The following FAT3 variants were observed in gnomAD, a reference collection of about 807,000 sequenced individuals.
FAT3 encodes the protein FAT atypical cadherin 3, also known as protocadherin Fat 3.
FAT3 carries 95 observed loss-of-function variants against 310.2 expected under a neutral mutation model. That is an observed-to-expected ratio of 0.31 (90% CI 0.26 to 0.36). The LOEUF is 0.36. FAT3 is among the 10% of genes least tolerant of loss of function. FAT3 has a pLI of 1.00. For missense variants in FAT3, 5,408 were observed against 5,715.6 expected, an observed-to-expected ratio of 0.95 and a Z score of 1.74; for synonymous variants, 2,314 against 2,192.9, an observed-to-expected ratio of 1.06 and a Z score of -1.54.
chr11:92,517,689 C>A (rs2135335181), intron 2 of FAT3, among the ~76,000 whole-genome samples: 1 of 152,258 alleles, frequency 6.6e-6, no homozygotes, highest in East Asian at 1.9e-4. Flanking sequence ...AACAGGCAAC[C>A]TATAGAATGG....
intron 3 of FAT3, among the ~76,000 whole-genome samples, chr11:92,542,137 G>A (rs1280726385): frequency 6.6e-6 from 1 of 152,030 alleles, no homozygotes; most frequent in Non-Finnish European, 1.5e-5. Context: ...ATATCCACAT[G>A]CAAAAGAATG....
intron 6 of FAT3, among the ~76,000 whole-genome samples, chr11:92,771,099 C>G (rs756893674): frequency 7.9e-5 from 12 of 152,110 alleles, no homozygotes; most frequent in Non-Finnish European, 1.8e-4. Context: ...CAGGCTGTGG[C>G]TTTTCTAATT....
chr11:92,296,076 A>T (rs1946839318), intron 1 of FAT3, among the ~76,000 whole-genome samples: 1 of 152,024 alleles, frequency 6.6e-6, no homozygotes. Context: ...AATGGTGTTT[A>T]CTCTGGGCAA....
intron 27 of FAT3, among the ~76,000 whole-genome samples, chr11:92,890,247 C>T (rs1463775354): frequency 1.3e-5 from 2 of 152,196 alleles, no homozygotes; most frequent in Non-Finnish European, 2.9e-5. Flanking sequence ...CGTGCCCTCG[C>T]TCTTCGTCTC....
intron 2 of FAT3, among the ~76,000 whole-genome samples, chr11:92,378,935 G>A (rs898715279): frequency 6.6e-6 from 1 of 152,178 alleles, no homozygotes; most frequent in Non-Finnish European, 1.5e-5. Flanking sequence ...CTGCTGCCCT[G>A]TGATCTAATC....
intron 1 of FAT3, among the ~76,000 whole-genome samples, chr11:92,347,702 G>A (rs184344914): frequency 6.6e-6 from 1 of 152,278 alleles, no homozygotes; most frequent in Admixed American, 6.5e-5. Flanking sequence ...AGAAGGGCAG[G>A]ATGGGGAGGC....
At chr11:92,271,814 A>G (rs192235280) in intron 1 of FAT3, among the ~76,000 whole-genome samples, 89 of 152,282 alleles carry the variant, frequency 5.8e-4, no homozygotes, top group South Asian at 3.5e-3. Context: ...GATCCCATCA[A>G]TCTTTTAAAT....
chr11:92,662,966 C>T (rs945478435), intron 3 of FAT3, among the ~76,000 whole-genome samples: 9 of 152,144 alleles, frequency 5.9e-5, no homozygotes, highest in African/African-American at 9.7e-5. Flanking sequence ...GGGAATGGCC[C>T]GGTTCCTCAC....
intron 23 of FAT3, among the ~76,000 whole-genome samples, chr11:92,881,625 T>TTC (rs1949672598): frequency 6.6e-6 from 1 of 152,220 alleles, no homozygotes; most frequent in South Asian, 2.1e-4. Context: ...CTGTTCAAAT[T>TTC]AGGTTTCGTT....
At chr11:92,724,890 T>C (rs1037744219) in intron 4 of FAT3, among the ~76,000 whole-genome samples, 1 of 152,042 alleles carries the variant, frequency 6.6e-6, no homozygotes, top group Non-Finnish European at 1.5e-5. Flanking sequence ...AGTGGCGTGG[T>C]TACTTCACAT....
chr11:92,646,452 C>G (rs1942171375), intron 3 of FAT3, among the ~76,000 whole-genome samples: 1 of 152,130 alleles, frequency 6.6e-6, no homozygotes, highest in Non-Finnish European at 1.5e-5. Context: ...AGCCCAGATT[C>G]AATGGGAGGA....
intron 3 of FAT3, among the ~76,000 whole-genome samples, chr11:92,558,923 T>C (rs1193573481): frequency 6.6e-6 from 1 of 152,142 alleles, no homozygotes; most frequent in African/African-American, 2.4e-5. Flanking sequence ...CCAGAATGAT[T>C]TTCTGGCTTC....
chr11:92,793,929 A>G (rs1036688155), intron 9 of FAT3, among the ~76,000 whole-genome samples: 4 of 152,066 alleles, frequency 2.6e-5, no homozygotes, highest in African/African-American at 9.7e-5. Context: ...AAAAGCCAAC[A>G]ACCTTCTAAA....
At chr11:92,771,711 A>G (rs1457947964) in intron 6 of FAT3, among the ~76,000 whole-genome samples, 1 of 151,846 alleles carries the variant, frequency 6.6e-6, no homozygotes, top group Admixed American at 6.6e-5. Context: ...ATACACATAC[A>G]CATACACATA....
At chr11:92,398,867 T>A (rs1167150924) in intron 2 of FAT3, among the ~76,000 whole-genome samples, 1 of 152,228 alleles carries the variant, frequency 6.6e-6, no homozygotes, top group African/African-American at 2.4e-5. Context: ...GTGTTCTGAG[T>A]CTGAATCCTG....
At chr11:92,316,988 G>A (rs1947481959) in intron 1 of FAT3, among the ~76,000 whole-genome samples, 1 of 152,144 alleles carries the variant, frequency 6.6e-6, no homozygotes, top group African/African-American at 2.4e-5. Flanking sequence ...GGCAGATGAG[G>A]ATTTGGGGAC....
At chr11:92,382,247 GC>G (rs1366332627) in intron 2 of FAT3, among the ~76,000 whole-genome samples, 2 of 152,088 alleles carry the variant, frequency 1.3e-5, no homozygotes, top group Non-Finnish European at 2.9e-5. Context: ...TCTTAAACTG[GC>G]CCTTAGAAGT....
At chr11:92,868,993 C>G (rs562229172) in intron 22 of FAT3, among the ~76,000 whole-genome samples, 1 of 152,184 alleles carries the variant, frequency 6.6e-6, no homozygotes, top group African/African-American at 2.4e-5. Context: ...GGGCCCCAGC[C>G]TTGCCTATAG....
intron 26 of FAT3, 24 bp downstream of exon 26, chr11:92,889,272 G>A (rs779840506): frequency 1.4e-6 from 1 of 691,292 alleles, no homozygotes; most frequent in South Asian, 1.6e-5. Context: ...TTCTTCCATA[G>A]CATTTCTTGA....
Sources: allele counts gnomAD v4.1 joint callset (sites outside exome capture counted in the v4.1 genomes callset), GRCh38; gene constraint gnomAD v4.1.1; transcripts MANE v1.5; gene names NCBI Gene and HGNC (gene_info 2026-07-23, HGNC 2026-07-21).